The following PTPRC variants were observed in gnomAD, a reference collection of about 807,000 sequenced individuals.
PTPRC encodes the protein protein tyrosine phosphatase receptor type C, also known as receptor-type tyrosine-protein phosphatase C.
In PTPRC, 44 loss-of-function variants were observed where a neutral mutation model predicts 155.9. The observed-to-expected ratio is 0.28, with a 90% CI of 0.22 to 0.36. The LOEUF (loss-of-function observed/expected upper bound fraction) is 0.36. Among genes scored for constraint, PTPRC ranks in the 10% least tolerant of loss-of-function variants. The pLI, the probability that PTPRC is intolerant of heterozygous loss-of-function variation, is 1.00. For synonymous variants in PTPRC, 525 were observed against 533.1 expected, an observed-to-expected ratio of 0.98 and a Z score of 0.21; for missense variants, 1,401 against 1,564.6, an observed-to-expected ratio of 0.90 and a Z score of 1.76.
At chr1:198,700,746 AAAG>A (rs71717800) in intron 5 of PTPRC, among the ~76,000 whole-genome samples, 2,243 of 152,352 alleles carry the variant, frequency 0.015, 24 homozygotes, top group Non-Finnish European at 0.016. Context: ...TCTTCTTCTC[AAAG>A]AAGTGGCTAA....
In PTPRC at chr1:198,658,850, A is replaced by T. The variant is rs569677893; in HGVS notation, c.73+19509A>T. ...TAATCCAAAAAAAAAAATCCAGCTA[A>T]CCCTTACCTTTTAGAGTAAGAATCT... On this transcript the variant is annotated intron_variant, in intron 2 of 32. Transcript: ENST00000442510. 7.3e-4 allele frequency among the ~76,000 whole-genome samples: 111 copies of T among 152,044 alleles called. 1 individual carries two copies. Among genetic ancestry groups the T allele is most frequent in the African/African-American group, 2.6e-3 (107 of 41,496 alleles).
chr1:198,670,636 A>G (rs1175178041), intron 2 of PTPRC, among the ~76,000 whole-genome samples: 1 of 152,180 alleles, frequency 6.6e-6, no homozygotes, highest in Non-Finnish European at 1.5e-5. Context: ...CAGTTAGCAG[A>G]TAAAAAAAAT....
At chr1:198,728,496 T>C in intron 16 of PTPRC, 48 bp downstream of exon 16, 1 of 1,594,932 alleles carries the variant, frequency 6.3e-7, no homozygotes, top group African/African-American at 1.3e-5. Context: ...TTAGTAATGG[T>C]GCAAACGCAT....
intron 3 of PTPRC, chr1:198,695,013 A>G: frequency 5.2e-6 from 5 of 955,088 alleles, no homozygotes; most frequent in Non-Finnish European, 6.2e-6. Flanking sequence ...AAAATAACAC[A>G]CATAACAAGT....
intron 2 of PTPRC, chr1:198,679,511 A>C (rs973094641): frequency 2.1e-5 from 3 of 141,350 alleles, no homozygotes; most frequent in East Asian, 4.1e-4. Context: ...CCCGTGATCC[A>C]CCCGCCCCAG....
At chr1:198,719,058 T>A (rs1653745457) in intron 14 of PTPRC, among the ~76,000 whole-genome samples, 1 of 152,164 alleles carries the variant, frequency 6.6e-6, no homozygotes, top group Non-Finnish European at 1.5e-5. Context: ...AGCAAAATTT[T>A]TGAATGTCTT....
At chr1:198,743,903 C>T in intron 25 of PTPRC, 151 bp from the exon 26 acceptor site, 1 of 745,396 alleles carries the variant, frequency 1.3e-6, no homozygotes, top group East Asian at 2.7e-5. Context: ...AGTGAACTTC[C>T]AGAATATTTA....
At chr1:198,642,401 A>ATCTATCT (rs1662648239) in intron 2 of PTPRC, among the ~76,000 whole-genome samples, 2 of 46,260 alleles carry the variant, frequency 4.3e-5, no homozygotes. Flanking sequence ...TCTATCTATC[A>ATCTATCT]GTTCTCCATG....
At position 198,729,177 on chromosome 1, in the gene PTPRC, T is replaced by C. The variant is rs773050684; in HGVS notation, c.1864+6T>C. On this transcript the variant is annotated splice_donor_region_variant and intron_variant, in intron 17 of 32. Coordinates refer to ENST00000442510, the MANE Select transcript of PTPRC (RefSeq NM_002838.5). Reference sequence around the variant, plus strand: ...GCAGGAGCTTGTTGAAAGGGGTAAGTATGTATATTTTTGCTGATGACTATT... The same window carrying C: ...GCAGGAGCTTGTTGAAAGGGGTAAGCATGTATATTTTTGCTGATGACTATT... The C allele has an allele frequency of 1.2e-6, 2 of 1,606,384 alleles. No homozygotes were observed. Among genetic ancestry groups the C allele is most frequent in the East Asian group, 2.2e-5 (1 of 44,556 alleles).
chr1:198,714,954 C>A (rs1364047302), intron 12 of PTPRC, among the ~76,000 whole-genome samples: 1 of 151,818 alleles, frequency 6.6e-6, no homozygotes, highest in Non-Finnish European at 1.5e-5. Context: ...ATTGGTTTAG[C>A]AGGTTTTTTT....
chr1:198,685,831 A>G (rs183244487), intron 2 of PTPRC, among the ~76,000 whole-genome samples: 1 of 152,232 alleles, frequency 6.6e-6, no homozygotes, highest in Admixed American at 6.5e-5. Context: ...ATTTTAGGGC[A>G]GATGCTGAGA....
intron 2 of PTPRC, among the ~76,000 whole-genome samples, chr1:198,674,510 T>C (rs1002874277): frequency 5.4e-5 from 8 of 148,466 alleles, no homozygotes; most frequent in Non-Finnish European, 1.0e-4. Flanking sequence ...CATATAATAA[T>C]ATATATAGCA....
At chr1:198,697,855 T>A (rs1397568474) in intron 4 of PTPRC, among the ~76,000 whole-genome samples, 1 of 152,208 alleles carries the variant, frequency 6.6e-6, no homozygotes, top group Non-Finnish European at 1.5e-5. Flanking sequence ...TGAAGTTTAT[T>A]GGATATAGTA....
rs148025707 is a variant in PTPRC, at chr1:198,708,223, C to T, written c.995C>T (p.Thr332Ile). 1,006 of 1,606,464 alleles carry T rather than the reference C, an allele frequency of 6.3e-4. No homozygotes were observed. Among genetic ancestry groups the T allele is most frequent in the Non-Finnish European group, 8.2e-4 (966 of 1,173,970 alleles). ...AAATGGAAAAATATTGAAACCTTTA[C>T]TTGTGATACACAGAATATTACCTAC... Reference protein sequence around the residue: ...CLKWKNIETFTCDTQNITYRF... With the variant: ...CLKWKNIETFICDTQNITYRF... Residue 332 changes from threonine (T) to isoleucine (I), a missense_variant, in exon 10 of 33, where the codon ACT becomes ATT. Coordinates refer to ENST00000442510, the MANE Select transcript of PTPRC (RefSeq NM_002838.5).
At chr1:198,639,858 T>A (rs1662474779) in intron 2 of PTPRC, among the ~76,000 whole-genome samples, 1 of 152,046 alleles carries the variant, frequency 6.6e-6, no homozygotes. Flanking sequence ...ATATAATAGT[T>A]CAAAAATATA....
intron 2 of PTPRC, among the ~76,000 whole-genome samples, chr1:198,684,578 A>C (rs941913548): frequency 2.6e-5 from 4 of 151,978 alleles, no homozygotes; most frequent in Admixed American, 2.6e-4. Context: ...GCCTAGAGTA[A>C]GTAAGAACAG....
At chr1:198,734,117 C>A in intron 20 of PTPRC, 79 bp from the exon 21 acceptor site, 1 of 1,353,166 alleles carries the variant, frequency 7.4e-7, no homozygotes, top group East Asian at 2.3e-5. Flanking sequence ...TGAAGCAATT[C>A]CTCTAACTCA....
At chr1:198,750,001 A>G (rs1376263781) in intron 28 of PTPRC, among the ~76,000 whole-genome samples, 1 of 151,678 alleles carries the variant, frequency 6.6e-6, no homozygotes, top group East Asian at 1.9e-4. Flanking sequence ...GAATTCAAAC[A>G]ATGAAACTTT....
intron 17 of PTPRC, among the ~76,000 whole-genome samples, chr1:198,731,379 TG>T (rs544134858): frequency 4.4e-4 from 67 of 151,868 alleles, no homozygotes; most frequent in Non-Finnish European, 7.2e-4. Flanking sequence ...GCATAGAAAA[TG>T]GGGAAGAACA....
Sources: allele counts gnomAD v4.1 joint callset (sites outside exome capture counted in the v4.1 genomes callset), GRCh38; gene constraint gnomAD v4.1.1; transcripts MANE v1.5; gene names NCBI Gene and HGNC (gene_info 2026-07-23, HGNC 2026-07-21).